Variants in ITSN2 observed in about 807,000 individuals in gnomAD.
ITSN2 encodes the protein intersectin-2.
ITSN2 carries 156 observed loss-of-function variants against 243.7 expected under a neutral mutation model. That is an observed-to-expected ratio of 0.64 (90% CI 0.56 to 0.73). ITSN2 has a LOEUF of 0.73. Among genes scored for constraint, ITSN2 ranks in the 30% least tolerant of loss-of-function variants. ITSN2 has a pLI of 0.00. For missense variants in ITSN2, 1,801 were observed against 1,996.1 expected (o/e 0.90, Z 1.86); for synonymous variants, 703 against 699.9 (o/e 1.00, Z -0.07).
At chr2:24,234,318 C>T (rs1671909172) in intron 29 of ITSN2, among the ~76,000 whole-genome samples, 1 of 149,184 alleles carries the variant, frequency 6.7e-6, no homozygotes, top group African/African-American at 2.5e-5. Context: ...GAAATATAGA[C>T]ACAGGTCTCT....
chr2:24,258,216 T>A, intron 22 of ITSN2, 123 bp from the exon 23 acceptor site: 1 of 676,864 alleles, frequency 1.5e-6, no homozygotes, highest in Non-Finnish European at 2.5e-6. Context: ...TGACTTAAGA[T>A]AACCTTAGTC....
Position 24,213,186 on chromosome 2 carries a change from C to T in ITSN2, c.3991-438G>A, listed in dbSNP as rs74718474. ...ACCCTCAAGACTCAGGCCCTGCTTC[C>T]CCTTGTCCAGGCTCTCCCCTGGGAC... On this transcript the variant is annotated intron_variant, in intron 32 of 39. Coordinates refer to ENST00000355123, the MANE Select transcript of ITSN2 (RefSeq NM_006277.3). 7.4e-3 allele frequency among the ~76,000 whole-genome samples: 1,121 copies of T among 152,280 alleles called. 8 individuals are homozygous for T. The highest frequency in any genetic ancestry group is 0.026 in the African/African-American group (1,075 of 41,544).
chr2:24,357,648 G>A (rs1432697907), intron 1 of ITSN2, among the ~76,000 whole-genome samples: 2 of 151,800 alleles, frequency 1.3e-5, no homozygotes, highest in Non-Finnish European at 1.5e-5. Context: ...TTCAAAAACA[G>A]TTTTTTCACA....
chr2:24,257,278 C>T (rs1675173120), intron 23 of ITSN2, among the ~76,000 whole-genome samples: 1 of 152,022 alleles, frequency 6.6e-6, no homozygotes, highest in Admixed American at 6.5e-5. Context: ...CATGATCCAC[C>T]ACTGCACTCT....
chr2:24,313,049 T>C (rs1574274717), intron 4 of ITSN2, among the ~76,000 whole-genome samples: 1 of 151,104 alleles, frequency 6.6e-6, no homozygotes, highest in African/African-American at 2.4e-5. Flanking sequence ...ATTTGCTCAA[T>C]AAAATTTATT....
At chr2:24,220,004 T>C (rs1670295599) in intron 30 of ITSN2, among the ~76,000 whole-genome samples, 1 of 152,120 alleles carries the variant, frequency 6.6e-6, no homozygotes, top group South Asian at 2.1e-4. Context: ...GCAGTGAAGA[T>C]AGATATCACC....
At chr2:24,325,430 T>C (rs1393794942) in intron 2 of ITSN2, among the ~76,000 whole-genome samples, 1 of 152,044 alleles carries the variant, frequency 6.6e-6, no homozygotes, top group Non-Finnish European at 1.5e-5. Context: ...AACACTGCAA[T>C]AAGAAAACTG....
chr2:24,315,367 C>T, intron 2 of ITSN2, 143 bp from the exon 3 acceptor site: 1 of 503,318 alleles, frequency 2.0e-6, no homozygotes, highest in East Asian at 3.0e-5. Flanking sequence ...TCTATCATAA[C>T]CATACATAGC....
intron 4 of ITSN2, 149 bp downstream of exon 4, chr2:24,313,311 G>C (rs978349066): frequency 3.7e-6 from 2 of 543,388 alleles, no homozygotes; most frequent in African/African-American, 3.9e-5. Flanking sequence ...CTGGCCTCAA[G>C]CAATCCTCCT....
At chr2:24,206,151 G>A (rs954901696) in intron 37 of ITSN2, 43 of 341,924 alleles carry the variant, frequency 1.3e-4, no homozygotes, top group Middle Eastern at 7.8e-4. Flanking sequence ...GATCATATGC[G>A]TTATGAAATG....
rs536698735 is a variant in ITSN2 at position 24,307,353 on chromosome 2, T to TA, written c.793+1263dup. On this transcript the variant is annotated intron_variant, in intron 8 of 39. Coordinates refer to ENST00000355123, the MANE Select transcript of ITSN2 (RefSeq NM_006277.3). Reference sequence around the variant, plus strand: ...TCCTAATTTTAGAGACATTAAAATGTAAAAAAAAAAAAGTGTCAAAAAAGC... The same window carrying TA: ...TCCTAATTTTAGAGACATTAAAATGTAAAAAAAAAAAAAGTGTCAAAAAAGC... 4.7e-4 allele frequency among the ~76,000 whole-genome samples: 66 copies of TA among 140,868 alleles called. 1 individual carries two copies. The highest frequency in any genetic ancestry group is 1.2e-3 in the East Asian group (6 of 4,898). The allele number at this position is 140,868 out of a possible 152,430, so 92.4% of individuals were successfully genotyped here.
rs966888045 is a variant in ITSN2 at position 24,245,568 on chromosome 2, C to T, written c.3577+561G>A. Among the ~76,000 whole-genome samples, 31 of 151,958 alleles carry T rather than the reference C, an allele frequency of 2.0e-4. 1 individual carries two copies. The highest frequency in any genetic ancestry group is 2.0e-3 in the Admixed American group (30 of 15,264). On this transcript the variant is annotated intron_variant, in intron 29 of 39. Transcript: ENST00000355123. Reference sequence around the variant, plus strand: ...GATCATGACTTACTGCACTCTTAACCTCCCGGGTTCAAGAGATCTCCCACC... The same window carrying T: ...GATCATGACTTACTGCACTCTTAACTTCCCGGGTTCAAGAGATCTCCCACC...
chr2:24,205,576 CCCT>C, intron 37 of ITSN2: 1 of 388,676 alleles, frequency 2.6e-6, no homozygotes, highest in South Asian at 2.4e-5. Context: ...CAGATCCCTT[CCCT>C]CCTCTGCATC....
chr2:24,243,298 G>A (rs1203667997), intron 29 of ITSN2, among the ~76,000 whole-genome samples: 3 of 152,090 alleles, frequency 2.0e-5, no homozygotes, highest in Admixed American at 6.6e-5. Flanking sequence ...AGTACTCCTA[G>A]TCAGTACAGA....
intron 2 of ITSN2, among the ~76,000 whole-genome samples, chr2:24,315,679 G>A (rs1374948406): frequency 6.6e-6 from 1 of 152,158 alleles, no homozygotes; most frequent in East Asian, 1.9e-4. Context: ...TGGATCATGG[G>A]AGTTGATTTC....
At chr2:24,253,035 A>G (rs1214774049) in intron 24 of ITSN2, among the ~76,000 whole-genome samples, 1 of 152,214 alleles carries the variant, frequency 6.6e-6, no homozygotes, top group African/African-American at 2.4e-5. Flanking sequence ...CTCCTAGCAC[A>G]GTGCTTGACT....
At chr2:24,320,190 A>T (rs1320614339) in intron 2 of ITSN2, among the ~76,000 whole-genome samples, 1 of 146,794 alleles carries the variant, frequency 6.8e-6, no homozygotes, top group Non-Finnish European at 1.5e-5. Context: ...CAGCCTGGGC[A>T]ACATAGTGAG....
chr2:24,206,291 C>T, intron 37 of ITSN2: 1 of 430,312 alleles, frequency 2.3e-6, no homozygotes, highest in East Asian at 8.9e-5. Flanking sequence ...TAAAAAAACA[C>T]ATAAAGAGCT....
intron 33 of ITSN2, 101 bp downstream of exon 33, chr2:24,212,549 G>C (rs2151108416): frequency 1.2e-6 from 1 of 816,240 alleles, no homozygotes; most frequent in Non-Finnish European, 2.0e-6. Context: ...CTGTGTGCAG[G>C]GTGAGGTGGC....
Sources: gnomAD v4.1 joint callset for allele counts (sites outside exome capture counted in the v4.1 genomes callset) on GRCh38, gnomAD v4.1.1 for gene constraint, MANE v1.5 for transcripts, NCBI Gene and HGNC (gene_info 2026-07-23, HGNC 2026-07-21) for gene names.